TAS2R1: variants seen among roughly 807,000 people sequenced by gnomAD.
TAS2R1 encodes taste receptor type 2 member 1.
For synonymous variants in TAS2R1, 141 were observed against 134.2 expected, an observed-to-expected ratio of 1.05 and a Z score of -0.35; for missense variants, 370 against 353.4, an observed-to-expected ratio of 1.05 and a Z score of -0.38.
chr5:9,768,409 A>G, the TAS2R1 span, among the ~76,000 whole-genome samples: 7 of 152,192 alleles, frequency 4.6e-5, no homozygotes, highest in Non-Finnish European at 8.8e-5. Context: ...GACCTTCATG[A>G]AACTGTCAAC....
the TAS2R1 span, among the ~76,000 whole-genome samples, chr5:9,898,752 G>A: frequency 6.6e-6 from 1 of 152,158 alleles, no homozygotes; most frequent in Non-Finnish European, 1.5e-5. Context: ...TACTCTAAAG[G>A]AGAACATGTA....
At chr5:9,711,885 C>G (rs925388665) in intron 1 of TAS2R1, among the ~76,000 whole-genome samples, 14 of 151,346 alleles carry the variant, frequency 9.3e-5, no homozygotes, top group African/African-American at 3.4e-4. Flanking sequence ...AGGCTGGTCT[C>G]GAACTCCTGA....
At chr5:9,796,479 G>A in the TAS2R1 span, among the ~76,000 whole-genome samples, 1 of 152,034 alleles carries the variant, frequency 6.6e-6, no homozygotes, top group Non-Finnish European at 1.5e-5. Context: ...CTTTGAGTAA[G>A]GTGAACAACT....
At chr5:9,902,823 A>G in the TAS2R1 span, 2 of 151,890 alleles carry the variant, frequency 1.3e-5, no homozygotes, top group Admixed American at 1.3e-4. Flanking sequence ...ACCACCTTTG[A>G]AAATTTTAAT....
intron 1 of TAS2R1, among the ~76,000 whole-genome samples, chr5:9,678,586 G>A (rs111391067): frequency 0.17 from 26,469 of 152,142 alleles, 2,517 homozygotes; most frequent in African/African-American, 0.25. Flanking sequence ...ACACACCATG[G>A]AATATTATGC....
At chr5:9,635,317 T>C (rs1417990679), upstream of TAS2R1, among the ~76,000 whole-genome samples, 2 of 152,114 alleles carry the variant, frequency 1.3e-5, no homozygotes, top group Non-Finnish European at 2.9e-5. Flanking sequence ...TGGTGGATTA[T>C]GTTTTTGATA....
intron 2 of TAS2R1, among the ~76,000 whole-genome samples, chr5:9,637,967 G>A (rs957670806): frequency 2.1e-4 from 32 of 152,082 alleles, no homozygotes; most frequent in Non-Finnish European, 4.4e-4. Context: ...CTGGGGAGCC[G>A]GTGTGTGTGA....
At chr5:9,777,098 G>C in the TAS2R1 span, among the ~76,000 whole-genome samples, 2 of 152,198 alleles carry the variant, frequency 1.3e-5, no homozygotes, top group African/African-American at 4.8e-5. Flanking sequence ...TTGATCATGA[G>C]GGTGGTTGCT....
the TAS2R1 span, among the ~76,000 whole-genome samples, chr5:9,844,496 A>G: frequency 6.6e-6 from 1 of 152,136 alleles, no homozygotes; most frequent in Non-Finnish European, 1.5e-5. Flanking sequence ...GTGATTTCCT[A>G]TGTAAGTCTT....
chr5:9,815,207 C>G, the TAS2R1 span, among the ~76,000 whole-genome samples: 1 of 152,142 alleles, frequency 6.6e-6, no homozygotes, highest in Non-Finnish European at 1.5e-5. Flanking sequence ...GGAGACAGAC[C>G]AGATTAAGAT....
At chr5:9,801,815 C>A in the TAS2R1 span, among the ~76,000 whole-genome samples, 2 of 152,158 alleles carry the variant, frequency 1.3e-5, no homozygotes, top group African/African-American at 2.4e-5. Flanking sequence ...CATAATTCCC[C>A]TGGGAACATA....
chr5:9,878,996 C>G, the TAS2R1 span, among the ~76,000 whole-genome samples: 1 of 152,192 alleles, frequency 6.6e-6, no homozygotes, highest in African/African-American at 2.4e-5. Context: ...TCACGCCTAC[C>G]ATCACTAACT....
chr5:9,706,090 T>C (rs1741604351), intron 1 of TAS2R1, among the ~76,000 whole-genome samples: 1 of 152,232 alleles, frequency 6.6e-6, no homozygotes, highest in Non-Finnish European at 1.5e-5. Context: ...ATAAATACAA[T>C]GTTCTGATCT....
chr5:9,680,572 GT>G (rs1250669514), intron 1 of TAS2R1, among the ~76,000 whole-genome samples: 1 of 152,056 alleles, frequency 6.6e-6, no homozygotes, highest in East Asian at 1.9e-4. Flanking sequence ...TACTTCTGTG[GT>G]CACTCTTCAA....
At chr5:9,755,204 A>G in the TAS2R1 span, among the ~76,000 whole-genome samples, 6 of 152,102 alleles carry the variant, frequency 3.9e-5, no homozygotes, top group Admixed American at 1.3e-4. Flanking sequence ...CCCGATCCAG[A>G]CTCCGAGAGA....
intron 1 of TAS2R1, among the ~76,000 whole-genome samples, chr5:9,666,274 T>C (rs1740630518): frequency 1.3e-5 from 2 of 152,198 alleles, no homozygotes; most frequent in Non-Finnish European, 2.9e-5. Flanking sequence ...ACAATCTCCA[T>C]GACTGAGAGA....
upstream of TAS2R1, among the ~76,000 whole-genome samples, chr5:9,632,386 G>C (rs1739887403): frequency 6.6e-6 from 1 of 152,182 alleles, no homozygotes; most frequent in East Asian, 1.9e-4. Context: ...TGACTGATCA[G>C]GCTGGTGGTT....
the TAS2R1 span, among the ~76,000 whole-genome samples, chr5:9,862,603 GATT>G: frequency 1.5e-3 from 20 of 13,272 alleles, no homozygotes; most frequent in South Asian, 0.015. Flanking sequence ...TTCGTTTTAT[GATT>G]ATTATTATTA....
chr5:9,844,652 A>T, the TAS2R1 span, among the ~76,000 whole-genome samples: 1 of 152,180 alleles, frequency 6.6e-6, no homozygotes, highest in African/African-American at 2.4e-5. Context: ...ATAAAATCAG[A>T]TGCTTTCTCT....
Sources: allele counts gnomAD v4.1 joint callset (sites outside exome capture counted in the v4.1 genomes callset), GRCh38; gene constraint gnomAD v4.1.1; transcripts MANE v1.5; gene names NCBI Gene and HGNC (gene_info 2026-07-23, HGNC 2026-07-21).